Variants in FTCDNL1 observed in about 807,000 individuals in gnomAD.
FTCDNL1 encodes the protein formiminotransferase cyclodeaminase N-terminal like.
In FTCDNL1, 11 loss-of-function variants were observed where a neutral mutation model predicts 5.9. That is an observed-to-expected ratio of 1.87 (90% CI 1.18 to 3.10). The LOEUF (loss-of-function observed/expected upper bound fraction) is 3.10, where lower values mean the gene tolerates loss of function less well. FTCDNL1 is among the 30% of genes most tolerant of loss of function. The probability of loss-of-function intolerance (pLI) is 0.00; values close to 1 mark genes in which losing one functional copy is unlikely to be tolerated. For synonymous variants in FTCDNL1, 58 were observed against 24.8 expected (o/e 2.34, Z -3.99); for missense variants, 115 against 65.5 (o/e 1.76, Z -2.61).
chr2:199,741,743 C>T, the FTCDNL1 span, among the ~76,000 whole-genome samples: 1 of 152,084 alleles, frequency 6.6e-6, no homozygotes, highest in African/African-American at 2.4e-5. Flanking sequence ...AAAACCAAAT[C>T]AAAGGTTTTA....
At chr2:199,784,471 G>A (rs958358547) in intron 3 of FTCDNL1, among the ~76,000 whole-genome samples, 5 of 152,158 alleles carry the variant, frequency 3.3e-5, no homozygotes, top group African/African-American at 9.6e-5. Flanking sequence ...GTTGTAGATC[G>A]TGTTCCTTGG....
the FTCDNL1 span, among the ~76,000 whole-genome samples, chr2:199,730,239 A>G: frequency 3.6e-3 from 545 of 152,330 alleles, 7 homozygotes; most frequent in African/African-American, 0.013. Flanking sequence ...ACACAAAACC[A>G]TAAAAACCCT....
At chr2:199,732,384 T>C in the FTCDNL1 span, among the ~76,000 whole-genome samples, 1 of 152,212 alleles carries the variant, frequency 6.6e-6, no homozygotes, top group Admixed American at 6.5e-5. Flanking sequence ...TCCACAAGTA[T>C]TTATCAAGCA....
At chr2:199,821,316 A>AT (rs34899809) in intron 3 of FTCDNL1, among the ~76,000 whole-genome samples, 1,993 of 133,760 alleles carry the variant, frequency 0.015, 45 homozygotes, top group African/African-American at 0.052. Context: ...AGCCTGGCTA[A>AT]TTTTTTTTTT....
chr2:199,748,539 A>G, the FTCDNL1 span, among the ~76,000 whole-genome samples: 1 of 152,164 alleles, frequency 6.6e-6, no homozygotes, highest in Non-Finnish European at 1.5e-5. Context: ...GTCGCTTTCT[A>G]AATGGTTCCT....
rs192563361 is a variant in FTCDNL1, at chr2:199,796,148, T to C, written c.212-35313A>G. 2.8e-4 allele frequency among the ~76,000 whole-genome samples: 42 copies of C among 152,348 alleles called. 3 individuals are homozygous for C. Among genetic ancestry groups the C allele is most frequent in the Admixed American group, 1.8e-3 (28 of 15,304 alleles). On this transcript the variant is annotated intron_variant, in intron 3 of 3. Coordinates refer to the FTCDNL1 transcript ENST00000416668. Reference sequence around the variant, plus strand: ...AGAACATGCAGAAGTGATTCTGATTTTAAAATTTTAAACAGAATTAAAAAC... The same window carrying C: ...AGAACATGCAGAAGTGATTCTGATTCTAAAATTTTAAACAGAATTAAAAAC...
At chr2:199,692,291 G>A in the FTCDNL1 span, among the ~76,000 whole-genome samples, 5 of 152,116 alleles carry the variant, frequency 3.3e-5, no homozygotes, top group African/African-American at 1.2e-4. Context: ...AAATGCAACT[G>A]GAGAGAATAA....
chr2:199,705,031 T>C, the FTCDNL1 span, among the ~76,000 whole-genome samples: 1 of 152,170 alleles, frequency 6.6e-6, no homozygotes, highest in South Asian at 2.1e-4. Context: ...TGTTTGCCTG[T>C]GAGCTCATGG....
chr2:199,731,990 G>C, the FTCDNL1 span, among the ~76,000 whole-genome samples: 2 of 151,988 alleles, frequency 1.3e-5, no homozygotes, highest in East Asian at 3.9e-4. Context: ...AACAATTTTT[G>C]TTTTTTCAAA....
intron 3 of FTCDNL1, among the ~76,000 whole-genome samples, chr2:199,836,336 T>C (rs558882965): frequency 8.5e-5 from 13 of 152,246 alleles, no homozygotes; most frequent in African/African-American, 3.1e-4. Context: ...AGCTAATGTT[T>C]TTTATTTTTA....
chr2:199,696,282 T>C, the FTCDNL1 span, among the ~76,000 whole-genome samples: 123,566 of 152,218 alleles, frequency 0.81, 50,460 homozygotes, highest in East Asian at 0.99. Flanking sequence ...CACTGGCACA[T>C]ATGCATGCAG....
chr2:199,671,576 G>A, the FTCDNL1 span, among the ~76,000 whole-genome samples: 1 of 152,206 alleles, frequency 6.6e-6, no homozygotes, highest in East Asian at 1.9e-4. Context: ...AATTCCACAG[G>A]CAACTAACAA....
At chr2:199,817,674 T>C (rs185131785) in intron 4 of FTCDNL1, among the ~76,000 whole-genome samples, 4 of 151,376 alleles carry the variant, frequency 2.6e-5, no homozygotes, top group Admixed American at 2.6e-4. Flanking sequence ...GCCCATGAAG[T>C]TGTGGCTGCA....
intron 3 of FTCDNL1, chr2:199,844,482 C>T (rs895335271): frequency 3.0e-6 from 2 of 663,388 alleles, no homozygotes; most frequent in Middle Eastern, 2.4e-4. Flanking sequence ...TCTTGAACTT[C>T]CATATCGATA....
chr2:199,718,429 T>C, the FTCDNL1 span, among the ~76,000 whole-genome samples: 3 of 152,206 alleles, frequency 2.0e-5, no homozygotes, highest in African/African-American at 4.8e-5. Context: ...ACACCACATA[T>C]TAAATTTGTC....
the FTCDNL1 span, among the ~76,000 whole-genome samples, chr2:199,740,446 T>C: frequency 1.3e-5 from 2 of 152,186 alleles, no homozygotes; most frequent in Non-Finnish European, 2.9e-5. Context: ...CCCCATTCCC[T>C]CTTGCCCCCT....
downstream of FTCDNL1, among the ~76,000 whole-genome samples, chr2:199,759,120 T>A (rs1004152946): frequency 6.6e-6 from 1 of 151,772 alleles, no homozygotes; most frequent in Non-Finnish European, 1.5e-5. Context: ...ATGTATTATA[T>A]GTGTATATAT....
At chr2:199,772,402 G>A (rs1056201024) in intron 3 of FTCDNL1, among the ~76,000 whole-genome samples, 1 of 152,118 alleles carries the variant, frequency 6.6e-6, no homozygotes, top group Non-Finnish European at 1.5e-5. Context: ...TGACACGTTG[G>A]GCTTCCTCTT....
At chr2:199,750,722 C>A in the FTCDNL1 span, among the ~76,000 whole-genome samples, 3 of 152,196 alleles carry the variant, frequency 2.0e-5, no homozygotes, top group East Asian at 1.9e-4. Flanking sequence ...TTCCACCGGG[C>A]GGACTCTGTC....
Sources: allele counts gnomAD v4.1 joint callset (sites outside exome capture counted in the v4.1 genomes callset), GRCh38; gene constraint gnomAD v4.1.1; transcripts MANE v1.5; gene names NCBI Gene and HGNC (gene_info 2026-07-23, HGNC 2026-07-21).